Variants in PSD3 observed in about 807,000 individuals in gnomAD.
PSD3 encodes the protein PH and SEC7 domain-containing protein 3.
A neutral mutation model predicts 105.5 loss-of-function variants in PSD3; 49 were observed. The observed-to-expected ratio is 0.46, with a 90% CI of 0.37 to 0.59. The LOEUF is 0.59. PSD3 is among the 20% of genes least tolerant of loss of function. The probability of loss-of-function intolerance (pLI) is 0.00; values close to 1 mark genes in which losing one functional copy is unlikely to be tolerated. For synonymous variants in PSD3, 557 were observed against 457.8 expected (o/e 1.22, Z -2.77); for missense variants, 1,561 against 1,263.8 (o/e 1.24, Z -3.57).
At chr8:18,777,331 G>A (rs545081030) in intron 8 of PSD3, among the ~76,000 whole-genome samples, 1 of 152,174 alleles carries the variant, frequency 6.6e-6, no homozygotes, top group Non-Finnish European at 1.5e-5. Flanking sequence ...GTGAGCCACT[G>A]TGCCTTGCCA....
rs191243980 is a variant in PSD3, at chr8:18,614,621, G to A, written c.2411-14187C>T. Among the ~76,000 whole-genome samples, 1,286 of 152,142 alleles carry A rather than the reference G, an allele frequency of 8.5e-3. 16 individuals carry two copies. The highest frequency in any genetic ancestry group is 0.028 in the African/African-American group (1,174 of 41,492). ...GGTTAATTAAAGAATGAACATTTGTGACAAGTGACTTCAAACTTCTATCAA... is the reference window on the plus strand; with the variant it reads ...GGTTAATTAAAGAATGAACATTTGTAACAAGTGACTTCAAACTTCTATCAA... On this transcript the variant is annotated intron_variant, in intron 11 of 15. Coordinates refer to ENST00000327040, the MANE Select transcript of PSD3 (RefSeq NM_015310.4).
At chr8:19,049,676 C>T (rs1181793944) in intron 1 of PSD3, among the ~76,000 whole-genome samples, 1 of 113,198 alleles carries the variant, frequency 8.8e-6, no homozygotes, top group Non-Finnish European at 1.7e-5. Context: ...GGGTGACAGA[C>T]TAAGACCCTG....
At chr8:19,081,462 C>G (rs975022545) in intron 1 of PSD3, among the ~76,000 whole-genome samples, 1 of 152,178 alleles carries the variant, frequency 6.6e-6, no homozygotes, top group African/African-American at 2.4e-5. Flanking sequence ...GAGGGCTGGG[C>G]CCAAGCTGCT....
At chr8:18,545,891 T>C (rs1800423933) in intron 15 of PSD3, among the ~76,000 whole-genome samples, 1 of 152,170 alleles carries the variant, frequency 6.6e-6, no homozygotes, top group Admixed American at 6.5e-5. Flanking sequence ...CCTTAAAGTG[T>C]GATTTGAGGA....
At chr8:18,667,016 T>C (rs1375766669) in intron 9 of PSD3, among the ~76,000 whole-genome samples, 3 of 152,124 alleles carry the variant, frequency 2.0e-5, no homozygotes, top group Non-Finnish European at 1.5e-5. Context: ...TGGGAGTTTT[T>C]TCCTTCTTGT....
At chr8:18,706,622 AT>A (rs1801917344) in intron 9 of PSD3, among the ~76,000 whole-genome samples, 2 of 152,216 alleles carry the variant, frequency 1.3e-5, no homozygotes, top group Admixed American at 6.5e-5. Context: ...GCTTGGATAT[AT>A]TTTTCATCCA....
At chr8:19,078,115 C>T (rs915509558) in intron 1 of PSD3, among the ~76,000 whole-genome samples, 10 of 152,122 alleles carry the variant, frequency 6.6e-5, no homozygotes, top group African/African-American at 1.7e-4. Flanking sequence ...GCTGCAGCCT[C>T]GAACTCCCAG....
At chr8:18,725,675 T>A (rs1803294751) in intron 9 of PSD3, among the ~76,000 whole-genome samples, 1 of 152,086 alleles carries the variant, frequency 6.6e-6, no homozygotes, top group Non-Finnish European at 1.5e-5. Flanking sequence ...TTCCTTTTTG[T>A]TTTATTATTA....
chr8:18,684,251 C>CA (rs58088190), intron 9 of PSD3: 24 of 183,968 alleles, frequency 1.3e-4, no homozygotes, highest in African/African-American at 4.3e-4. Context: ...CACACACACA[C>CA]CCCATCATAT....
chr8:18,752,642 A>AAT (rs1174648004), intron 9 of PSD3, among the ~76,000 whole-genome samples: 933 of 89,238 alleles, frequency 0.01, 49 homozygotes, highest in African/African-American at 0.051. Context: ...TAATATATAT[A>AAT]ATATATATAA....
At chr8:18,721,757 A>C (rs1802988860) in intron 9 of PSD3, among the ~76,000 whole-genome samples, 2 of 152,172 alleles carry the variant, frequency 1.3e-5, no homozygotes, top group Non-Finnish European at 1.5e-5. Flanking sequence ...ATCGTTCCCT[A>C]AAGACTGATC....
intron 1 of PSD3, among the ~76,000 whole-genome samples, chr8:18,970,523 C>G (rs563124878): frequency 6.6e-6 from 1 of 152,004 alleles, no homozygotes; most frequent in African/African-American, 2.4e-5. Flanking sequence ...ATAGTTTCAC[C>G]TTTATACAAC....
chr8:18,728,529 A>T (rs1316864610), intron 9 of PSD3, among the ~76,000 whole-genome samples: 1 of 152,134 alleles, frequency 6.6e-6, no homozygotes. Flanking sequence ...ATGGATGGAG[A>T]CTTAGAGGCA....
intron 1 of PSD3, among the ~76,000 whole-genome samples, chr8:19,078,339 A>G (rs1252986892): frequency 6.6e-6 from 1 of 152,132 alleles, no homozygotes; most frequent in Non-Finnish European, 1.5e-5. Flanking sequence ...GTTTTTAAAA[A>G]TCTCCCCAAA....
At chr8:18,596,097 A>G (rs1804075989) in intron 12 of PSD3, among the ~76,000 whole-genome samples, 1 of 152,080 alleles carries the variant, frequency 6.6e-6, no homozygotes, top group Non-Finnish European at 1.5e-5. Flanking sequence ...TTAAAAGCAG[A>G]AGGAAAATGG....
At chr8:18,951,403 A>G (rs1393890420) in intron 1 of PSD3, among the ~76,000 whole-genome samples, 1 of 152,142 alleles carries the variant, frequency 6.6e-6, no homozygotes, top group Non-Finnish European at 1.5e-5. Context: ...CCCTGTCTCA[A>G]GAAAACAAAA....
At chr8:18,827,046 A>C (rs372000701) in intron 4 of PSD3, among the ~76,000 whole-genome samples, 11 of 152,318 alleles carry the variant, frequency 7.2e-5, no homozygotes, top group Middle Eastern at 3.4e-3. Context: ...TAAGAGCAGC[A>C]GCTTAAGAGG....
chr8:18,787,365 C>G (rs1193118525), intron 8 of PSD3, among the ~76,000 whole-genome samples: 1 of 152,064 alleles, frequency 6.6e-6, no homozygotes, highest in Non-Finnish European at 1.5e-5. Context: ...GAAATGGTAC[C>G]TTGAAATCAA....
intron 15 of PSD3, among the ~76,000 whole-genome samples, chr8:18,537,084 C>T (rs1438688726): frequency 1.3e-5 from 2 of 152,122 alleles, no homozygotes; most frequent in Non-Finnish European, 2.9e-5. Flanking sequence ...CAAGCTGCTT[C>T]GTTTAACAAT....
Sources: gnomAD v4.1 joint callset for allele counts (sites outside exome capture counted in the v4.1 genomes callset) on GRCh38, gnomAD v4.1.1 for gene constraint, MANE v1.5 for transcripts, NCBI Gene and HGNC (gene_info 2026-07-23, HGNC 2026-07-21) for gene names.